CCDC178: variants seen among roughly 807,000 people sequenced by gnomAD.
CCDC178 encodes the protein coiled-coil domain-containing protein 178.
Under a neutral mutation model 117.4 loss-of-function variants are expected in CCDC178, and 126 were observed. That is an observed-to-expected ratio of 1.07 (90% CI 0.93 to 1.24). CCDC178 has a LOEUF of 1.24. Among genes scored for constraint, CCDC178 ranks in the 50% most tolerant of loss-of-function variants. The pLI is 0.00. For missense variants in CCDC178, 1,030 were observed against 986.9 expected, an observed-to-expected ratio of 1.04 and a Z score of -0.59; for synonymous variants, 283 against 313.4, an observed-to-expected ratio of 0.90 and a Z score of 1.02.
chr18:33,214,009 A>C (rs1044504865), intron 19 of CCDC178, among the ~76,000 whole-genome samples: 100 of 152,110 alleles, frequency 6.6e-4, no homozygotes, highest in African/African-American at 2.1e-3. Context: ...TGAAAATATC[A>C]GTAGATTATT....
chr18:33,382,531 C>T (rs150371236), intron 5 of CCDC178, among the ~76,000 whole-genome samples: 5 of 152,152 alleles, frequency 3.3e-5, no homozygotes, highest in African/African-American at 7.2e-5. Context: ...GTGTGACCCA[C>T]GGACAGTGAG....
chr18:33,333,190 T>C lies in CCDC178; in HGVS notation c.863A>G (p.Tyr288Cys). ...TTTATTTACCTCCATTTTTTTTTTATAATGGTTCTTCAGATCTTGAAGTTC... is the reference window on the plus strand; with the variant it reads ...TTTATTTACCTCCATTTTTTTTTTACAATGGTTCTTCAGATCTTGAAGTTC... ...NQELQDLKNH[Y>C]KKKMEVMDLH... The change falls in exon 10 of 23, where the codon TAT (tyrosine) becomes TGT (cysteine). Residue 288 changes from tyrosine (Y) to cysteine (C), a missense_variant. By Grantham distance (194) the Tyr-to-Cys change is radical (BLOSUM62 -2). Coordinates refer to ENST00000383096, the MANE Select transcript of CCDC178 (RefSeq NM_001105528.4). 6.3e-7 allele frequency: 1 copy of C among 1,586,908 alleles called. No homozygotes were observed. Among genetic ancestry groups the C allele is most frequent in the Non-Finnish European group, 8.6e-7 (1 of 1,165,208 alleles).
intron 12 of CCDC178, among the ~76,000 whole-genome samples, chr18:33,276,490 T>A (rs1272036109): frequency 6.6e-6 from 1 of 151,528 alleles, no homozygotes; most frequent in Non-Finnish European, 1.5e-5. Context: ...ATGTTTGGAG[T>A]TTGAGGAGAT....
intron 20 of CCDC178, among the ~76,000 whole-genome samples, chr18:33,202,253 G>A (rs2058997617): frequency 6.6e-6 from 1 of 151,800 alleles, no homozygotes; most frequent in African/African-American, 2.4e-5. Flanking sequence ...TTAGCTGGGC[G>A]TGGTGGTGCG....
intron 5 of CCDC178, among the ~76,000 whole-genome samples, chr18:33,375,095 G>A (rs1270236297): frequency 6.6e-6 from 1 of 152,110 alleles, no homozygotes; most frequent in Admixed American, 6.6e-5. Context: ...TGAGTGGATT[G>A]TATTGCATTT....
intron 6 of CCDC178, among the ~76,000 whole-genome samples, chr18:33,366,866 A>G (rs2063214809): frequency 1.3e-5 from 2 of 152,028 alleles, no homozygotes; most frequent in Non-Finnish European, 2.9e-5. Context: ...ATGAATATAT[A>G]TTCACATATA....
chr18:32,965,936 T>A (rs2144672376), intron 22 of CCDC178, among the ~76,000 whole-genome samples: 1 of 149,118 alleles, frequency 6.7e-6, no homozygotes, highest in South Asian at 2.1e-4. Context: ...AATGCTTATT[T>A]TATATATAAA....
chr18:33,336,484 AT>A (rs1250527673), intron 9 of CCDC178, among the ~76,000 whole-genome samples: 4 of 152,126 alleles, frequency 2.6e-5, no homozygotes, highest in Non-Finnish European at 5.9e-5. Context: ...TTGTCAGCAT[AT>A]TTTAAATGAT....
chr18:32,940,114 T>C (rs921154824), intron 22 of CCDC178, among the ~76,000 whole-genome samples: 5 of 152,056 alleles, frequency 3.3e-5, no homozygotes, highest in Non-Finnish European at 7.4e-5. Flanking sequence ...TTTTTTCATA[T>C]TATGTTTTTA....
At chr18:33,206,000 C>T (rs2059041184) in intron 20 of CCDC178, among the ~76,000 whole-genome samples, 1 of 152,174 alleles carries the variant, frequency 6.6e-6, no homozygotes, top group Non-Finnish European at 1.5e-5. Flanking sequence ...GGCCCCCAGC[C>T]ATGCAAATTA....
intron 14 of CCDC178, among the ~76,000 whole-genome samples, chr18:33,251,340 G>A (rs185133334): frequency 6.6e-6 from 1 of 151,666 alleles, no homozygotes; most frequent in Non-Finnish European, 1.5e-5. Flanking sequence ...CCTATGAAGA[G>A]GATGATTAGT....
chr18:33,134,047 A>G (rs1392036042), intron 20 of CCDC178, among the ~76,000 whole-genome samples: 1 of 151,956 alleles, frequency 6.6e-6, no homozygotes, highest in Non-Finnish European at 1.5e-5. Flanking sequence ...GCAGGCAATT[A>G]CAAAAGAAAA....
intron 21 of CCDC178, among the ~76,000 whole-genome samples, chr18:33,066,964 A>T (rs2057027703): frequency 6.6e-6 from 1 of 152,202 alleles, no homozygotes; most frequent in Non-Finnish European, 1.5e-5. Flanking sequence ...AAAATCAACA[A>T]GGAAACATTG....
intron 22 of CCDC178, among the ~76,000 whole-genome samples, chr18:32,955,191 A>G (rs1486162206): frequency 6.6e-6 from 1 of 152,046 alleles, no homozygotes; most frequent in Non-Finnish European, 1.5e-5. Context: ...CTTTACATCA[A>G]TTTCCACTCC....
intron 22 of CCDC178, among the ~76,000 whole-genome samples, chr18:32,940,748 T>C (rs1328135677): frequency 6.6e-6 from 1 of 152,078 alleles, no homozygotes; most frequent in African/African-American, 2.4e-5. Context: ...TGAGTTATTT[T>C]AAATAATAAA....
intron 11 of CCDC178, among the ~76,000 whole-genome samples, chr18:33,310,520 G>T (rs9947067): frequency 0.68 from 103,673 of 151,658 alleles, 36,533 homozygotes; most frequent in South Asian, 0.77. Context: ...AAACCCCATC[G>T]CTACAAGAAA....
rs936397129 is a variant in CCDC178, at chr18:33,037,225, T to G, written c.2388+55536A>C. Among the ~76,000 whole-genome samples the G allele has an allele frequency of 2.0e-5, 3 of 152,046 alleles. 1 individual carries two copies. The highest frequency in any genetic ancestry group is 7.2e-5 in the African/African-American group (3 of 41,428). On this transcript the variant is annotated intron_variant, in intron 21 of 22. Transcript: ENST00000383096. ...TTTACCAAAAGCACCAAGGCATTAA[T>G]AGACTGTGTTGATTTTTAAATGAGA...
At chr18:32,967,242 C>CT (rs1012978580) in intron 22 of CCDC178, among the ~76,000 whole-genome samples, 52 of 145,078 alleles carry the variant, frequency 3.6e-4, no homozygotes, top group Admixed American at 6.2e-4. Context: ...ATGTGATGCT[C>CT]TTTTTTTTTT....
intron 20 of CCDC178, among the ~76,000 whole-genome samples, chr18:33,163,213 T>G (rs271493): frequency 0.16 from 24,511 of 152,162 alleles, 2,755 homozygotes; most frequent in African/African-American, 0.32. Context: ...TCATATGCTT[T>G]TTGGCCACAT....
Sources: allele counts gnomAD v4.1 joint callset (sites outside exome capture counted in the v4.1 genomes callset), GRCh38; gene constraint gnomAD v4.1.1; transcripts MANE v1.5; gene names NCBI Gene and HGNC (gene_info 2026-07-23, HGNC 2026-07-21).